Variants in PCA3 observed in about 807,000 individuals in gnomAD.
PCA3 encodes the protein prostate cancer associated 3.
rs61709678 is a variant in PCA3 at position 76,770,504 on chromosome 9, C to T, written n.852+33889C>T. Among the ~76,000 whole-genome samples the T allele has an allele frequency of 8.9e-4, 135 of 152,066 alleles. 1 individual carries two copies. Among genetic ancestry groups the T allele is most frequent in the African/African-American group, 3.2e-3 (133 of 41,496 alleles). Reference sequence around the variant, plus strand: ...AGGACTCAGGATCTGAAATGTTATCCTTTCATGAAATTGACATTCATCTAA... The same window carrying T: ...AGGACTCAGGATCTGAAATGTTATCTTTTCATGAAATTGACATTCATCTAA... On this transcript the variant is annotated intron_variant and non_coding_transcript_variant, in intron 2 of 5. Coordinates refer to ENST00000644657, the Ensembl canonical transcript of PCA3.
At chr9:76,777,053 G>C (rs1156394230) in intron 2 of PCA3, among the ~76,000 whole-genome samples, 1 of 151,938 alleles carries the variant, frequency 6.6e-6, no homozygotes, top group Admixed American at 6.6e-5. Context: ...CATCAGGGTA[G>C]CTTCCTCTTG....
intron 2 of PCA3, chr9:76,778,347 A>G (rs2054020832): frequency 6.6e-6 from 1 of 152,212 alleles, no homozygotes; most frequent in African/African-American, 2.4e-5. Flanking sequence ...CAAATTCAAT[A>G]AATTAATTCA....
intron 2 of PCA3, among the ~76,000 whole-genome samples, chr9:76,776,997 C>G (rs1418244671): frequency 2.0e-5 from 3 of 151,280 alleles, no homozygotes; most frequent in African/African-American, 7.3e-5. Context: ...CACTCCTAAA[C>G]TGTTCCTCTT....
intron 2 of PCA3, among the ~76,000 whole-genome samples, chr9:76,774,477 T>TGA (rs1329550423): frequency 4.1e-5 from 6 of 147,734 alleles, no homozygotes; most frequent in Non-Finnish European, 9.0e-5. Flanking sequence ...TTTTTTTTTT[T>TGA]GAGATGGAGT....
At chr9:76,786,530 A>G (rs565695579) in intron 2 of PCA3, 9 of 152,276 alleles carry the variant, frequency 5.9e-5, no homozygotes, top group African/African-American at 2.2e-4. Context: ...TCCTCTTGAC[A>G]CATATTAGCT....
At chr9:76,777,904 A>T (rs969285557) in intron 2 of PCA3, among the ~76,000 whole-genome samples, 1 of 152,200 alleles carries the variant, frequency 6.6e-6, no homozygotes, top group Admixed American at 6.5e-5. Flanking sequence ...AGGGGACAGC[A>T]GGTACAAAGT....
intron 2 of PCA3, among the ~76,000 whole-genome samples, chr9:76,774,259 CTGAG>C (rs2053440661): frequency 6.6e-6 from 1 of 151,964 alleles, no homozygotes; most frequent in African/African-American, 2.4e-5. Flanking sequence ...CCTGACCCCC[CTGAG>C]TAAGTGGGAC....
At position 76,780,914 on chromosome 9, in the gene PCA3, C is replaced by T. The variant is rs533069099; in HGVS notation, n.853-27669C>T. ...AGGGTGTGCCTGCAACCCTCATCCC[C>T]GTGTGTTTCCCATCTGAGAAAGTGG... On this transcript the variant is annotated intron_variant and non_coding_transcript_variant, in intron 2 of 5. Coordinates refer to ENST00000644657, the Ensembl canonical transcript of PCA3. Among the ~76,000 whole-genome samples, 57 of 152,234 alleles carry T rather than the reference C, an allele frequency of 3.7e-4. No individual in the cohort carries two copies. The South Asian group carries it at 0.011, about 29-fold the overall frequency.
chr9:76,768,423 C>T (rs958575808), intron 2 of PCA3, among the ~76,000 whole-genome samples: 2 of 152,056 alleles, frequency 1.3e-5, no homozygotes, highest in Admixed American at 6.6e-5. Flanking sequence ...AAACTCCTGA[C>T]CTCAAGTGAT....
chr9:76,779,128 T>A (rs556723749), intron 2 of PCA3, among the ~76,000 whole-genome samples: 1 of 152,264 alleles, frequency 6.6e-6, no homozygotes, highest in South Asian at 2.1e-4. Flanking sequence ...ATAAAATCAA[T>A]GTAGACGCAA....
intron 2 of PCA3, among the ~76,000 whole-genome samples, chr9:76,780,217 A>G (rs1288764008): frequency 1.3e-5 from 2 of 152,186 alleles, no homozygotes; most frequent in South Asian, 4.1e-4. Context: ...TATATTTTCT[A>G]TATTTATTTG....
At chr9:76,766,246 A>T (rs565339439) in intron 2 of PCA3, among the ~76,000 whole-genome samples, 2 of 151,484 alleles carry the variant, frequency 1.3e-5, no homozygotes, top group East Asian at 3.9e-4. Flanking sequence ...TTTGATTTTT[A>T]CAAACTAGCT....
intron 2 of PCA3, among the ~76,000 whole-genome samples, chr9:76,780,584 G>A (rs1018124014): frequency 6.6e-5 from 10 of 152,198 alleles, no homozygotes; most frequent in East Asian, 3.9e-4. Context: ...CCAGCTACTC[G>A]GGAGGCTGAG....
intron 2 of PCA3, among the ~76,000 whole-genome samples, chr9:76,783,130 C>T (rs938389294): frequency 2.0e-5 from 3 of 152,010 alleles, no homozygotes; most frequent in Non-Finnish European, 4.4e-5. Context: ...TCTGACTATG[C>T]CTTTTTTTGT....
intron 2 of PCA3, among the ~76,000 whole-genome samples, chr9:76,774,252 G>C (rs1473551207): frequency 6.6e-6 from 1 of 150,582 alleles, no homozygotes; most frequent in Non-Finnish European, 1.5e-5. Flanking sequence ...CCTCCCACCT[G>C]ACCCCCCTGA....
rs1421668800 is a variant in PCA3 at position 76,780,776 on chromosome 9, G to C, written n.853-27807G>C. On this transcript the variant is annotated intron_variant and non_coding_transcript_variant, in intron 2 of 5. Transcript: ENST00000644657. The stretch of plus-strand genomic sequence containing the variant: ...TTGTTTTTGTTTTCAGATGTGGTAG[G>C]TGTTTCCCACAAAGACAGCTACTGA... 2.0e-5 allele frequency among the ~76,000 whole-genome samples: 3 copies of C among 152,178 alleles called. No homozygotes were observed. The East Asian group carries it at 5.8e-4, about 29-fold the overall frequency.
At chr9:76,775,068 G>A (rs1488291935) in intron 2 of PCA3, among the ~76,000 whole-genome samples, 1 of 151,790 alleles carries the variant, frequency 6.6e-6, no homozygotes, top group East Asian at 1.9e-4. Context: ...TCCCAAAGAA[G>A]AAAAAAAATT....
chr9:76,769,512 G>GC (rs1564259905), intron 2 of PCA3, among the ~76,000 whole-genome samples: 2 of 151,816 alleles, frequency 1.3e-5, no homozygotes, highest in Admixed American at 6.6e-5. Context: ...CGCAACCTCC[G>GC]CCCCCCGGGT....
At chr9:76,776,887 A>AACACAC (rs1224020427) in intron 2 of PCA3, among the ~76,000 whole-genome samples, 4 of 96,502 alleles carry the variant, frequency 4.1e-5, no homozygotes, top group Admixed American at 3.7e-4. Context: ...TCATTACCAA[A>AACACAC]ACACATACAC....
Sources: allele counts gnomAD v4.1 joint callset (sites outside exome capture counted in the v4.1 genomes callset), GRCh38; gene constraint gnomAD v4.1.1; transcripts MANE v1.5; gene names NCBI Gene and HGNC (gene_info 2026-07-23, HGNC 2026-07-21).